ATP8A1: variants seen among roughly 807,000 people sequenced by gnomAD.
ATP8A1 encodes the protein phospholipid-transporting ATPase IA.
ATP8A1 carries 90 observed loss-of-function variants against 177.7 expected under a neutral mutation model. That is an observed-to-expected ratio of 0.51 (90% CI 0.43 to 0.60). ATP8A1 has a LOEUF of 0.60. Among genes scored for constraint, ATP8A1 ranks in the 20% least tolerant of loss-of-function variants. The pLI, the probability that ATP8A1 is intolerant of heterozygous loss-of-function variation, is 0.00. For synonymous variants in ATP8A1, 493 were observed against 485.9 expected, an observed-to-expected ratio of 1.01 and a Z score of -0.19; for missense variants, 1,072 against 1,392.8, an observed-to-expected ratio of 0.77 and a Z score of 3.67.
chr4:42,460,088 G>T (rs1718940309), intron 27 of ATP8A1, among the ~76,000 whole-genome samples: 1 of 152,146 alleles, frequency 6.6e-6, no homozygotes, highest in African/African-American at 2.4e-5. Flanking sequence ...ACTGCGCCTG[G>T]CCTGTATTAG....
intron 20 of ATP8A1, among the ~76,000 whole-genome samples, chr4:42,541,442 C>A (rs540269506): frequency 5.3e-5 from 8 of 152,130 alleles, no homozygotes; most frequent in Non-Finnish European, 7.3e-5. Flanking sequence ...AATGGCATAG[C>A]CACTTGGAAG....
rs375773388 is a variant in ATP8A1 at position 42,572,149 on chromosome 4, ACT to A, written c.1295+2468_1295+2469del. On this transcript the variant is annotated intron_variant, in intron 14 of 36. Coordinates refer to ENST00000381668, the MANE Select transcript of ATP8A1 (RefSeq NM_006095.2). ...TTGTCAGGATATGAAATTTTGTGTT[ACT>A]CTCTGGTTTTGCCACCTCCCTAGGG... Among the ~76,000 whole-genome samples the A allele has an allele frequency of 3.7e-3, 563 of 152,138 alleles. 2 individuals carry two copies. Among genetic ancestry groups the A allele is most frequent in the South Asian group, 0.018 (89 of 4,818 alleles).
intron 20 of ATP8A1, among the ~76,000 whole-genome samples, chr4:42,533,435 C>T (rs1560429850): frequency 6.6e-6 from 1 of 152,082 alleles, no homozygotes; most frequent in Non-Finnish European, 1.5e-5. Flanking sequence ...CCATAATCCC[C>T]CTGGGAACAT....
chr4:42,540,450 C>A (rs530249235), intron 20 of ATP8A1, among the ~76,000 whole-genome samples: 5 of 151,470 alleles, frequency 3.3e-5, no homozygotes, highest in African/African-American at 1.2e-4. Flanking sequence ...AAAAAAAAAT[C>A]AATATATCAA....
rs985743063 is a variant in ATP8A1, at chr4:42,409,519, T to C, written c.*3397A>G. On this transcript the variant is annotated 3_prime_UTR_variant, in exon 37 of 37. Transcript: ENST00000381668. ...CATTTACAAAAGAATTCCTGGTCCATGTGATGTGAATGGGCTGGGCACTTT... is the reference window on the plus strand; with the variant it reads ...CATTTACAAAAGAATTCCTGGTCCACGTGATGTGAATGGGCTGGGCACTTT... 2 of 152,108 alleles carry C rather than the reference T, an allele frequency of 1.3e-5. No individual in the cohort carries two copies. Among genetic ancestry groups the C allele is most frequent in the Admixed American group, 6.5e-5 (1 of 15,272 alleles). 9.4% of individuals were successfully genotyped at this position (152,108 alleles called of 1,614,324 possible).
At chr4:42,459,844 C>T (rs369958024) in intron 27 of ATP8A1, among the ~76,000 whole-genome samples, 36 of 152,160 alleles carry the variant, frequency 2.4e-4, no homozygotes, top group African/African-American at 6.7e-4. Context: ...GGCTGGAGTG[C>T]AATGGCGCGT....
chr4:42,475,885 A>G (rs1220234072), intron 25 of ATP8A1, among the ~76,000 whole-genome samples: 1 of 152,042 alleles, frequency 6.6e-6, no homozygotes, highest in African/African-American at 2.4e-5. Flanking sequence ...CTGAAAATAC[A>G]AAAGTTAGCT....
chr4:42,613,926 G>C (rs922355668), intron 5 of ATP8A1, among the ~76,000 whole-genome samples: 3 of 151,572 alleles, frequency 2.0e-5, no homozygotes, highest in Non-Finnish European at 2.9e-5. Context: ...TCAATTGGTT[G>C]AATCTTAGGA....
intron 30 of ATP8A1, among the ~76,000 whole-genome samples, chr4:42,447,413 C>A (rs1378746382): frequency 6.6e-6 from 1 of 152,022 alleles, no homozygotes; most frequent in Non-Finnish European, 1.5e-5. Flanking sequence ...GAACTCCTGG[C>A]CTCAAGTGAT....
intron 17 of ATP8A1, among the ~76,000 whole-genome samples, chr4:42,551,938 G>A (rs929466459): frequency 1.3e-5 from 2 of 152,046 alleles, no homozygotes; most frequent in Admixed American, 6.5e-5. Flanking sequence ...CTGACTATCT[G>A]CCCAACTTTA....
chr4:42,634,096 G>A (rs1369382899), intron 1 of ATP8A1, among the ~76,000 whole-genome samples: 1 of 152,120 alleles, frequency 6.6e-6, no homozygotes, highest in East Asian at 1.9e-4. Context: ...AGACCATTTC[G>A]AGGACACTGT....
chr4:42,643,573 C>G (rs566893276), intron 1 of ATP8A1, among the ~76,000 whole-genome samples: 1 of 152,146 alleles, frequency 6.6e-6, no homozygotes, highest in African/African-American at 2.4e-5. Flanking sequence ...CTTGACCACT[C>G]CCCATCATGT....
chr4:42,517,423 T>A (rs1305141154), intron 22 of ATP8A1, among the ~76,000 whole-genome samples: 1 of 151,940 alleles, frequency 6.6e-6, no homozygotes. Flanking sequence ...ATAAAACAGG[T>A]CAAGTTTGTT....
intron 6 of ATP8A1, among the ~76,000 whole-genome samples, chr4:42,595,324 C>A (rs1734617443): frequency 6.6e-6 from 1 of 152,174 alleles, no homozygotes; most frequent in Non-Finnish European, 1.5e-5. Context: ...TAAGAAATTA[C>A]TGCAGAGGCA....
chr4:42,631,602 A>G lies in ATP8A1; in HGVS notation c.50-4493T>C, dbSNP rs187697282. 8.3e-4 allele frequency among the ~76,000 whole-genome samples: 126 copies of G among 152,332 alleles called. 1 individual carries two copies. The highest frequency in any genetic ancestry group is 6.3e-4 in the Non-Finnish European group (43 of 68,026). ...AGTTTGTTGCAATATCTTGACAATGAGGCCATGATACTTCAAGTCTGTTGG... is the reference window on the plus strand; with the variant it reads ...AGTTTGTTGCAATATCTTGACAATGGGGCCATGATACTTCAAGTCTGTTGG... On this transcript the variant is annotated intron_variant, in intron 1 of 36. Coordinates refer to ENST00000381668, the MANE Select transcript of ATP8A1 (RefSeq NM_006095.2).
intron 33 of ATP8A1, among the ~76,000 whole-genome samples, chr4:42,429,343 A>G (rs1439692922): frequency 2.0e-5 from 3 of 152,060 alleles, no homozygotes; most frequent in Non-Finnish European, 4.4e-5. Context: ...AAGTATTTCA[A>G]TGAATCCAAG....
chr4:42,555,319 AGATAACTTATTTCTATAAGTTATTTC>A (rs566094643), intron 16 of ATP8A1, among the ~76,000 whole-genome samples: 11 of 151,924 alleles, frequency 7.2e-5, no homozygotes, highest in South Asian at 6.2e-4. Context: ...GGTACTGAGC[AGATAACTTATTTCTATAAGTTATTTC>A]GATAACTTAT....
chr4:42,625,776 G>C, intron 2 of ATP8A1, 63 bp from the exon 3 acceptor site: 1 of 978,446 alleles, frequency 1.0e-6, no homozygotes, highest in Non-Finnish European at 1.5e-6. Flanking sequence ...CACTTACAAA[G>C]TTCTGTTACT....
At chr4:42,532,825 T>C (rs1455347326) in intron 20 of ATP8A1, among the ~76,000 whole-genome samples, 9 of 152,208 alleles carry the variant, frequency 5.9e-5, no homozygotes, top group African/African-American at 1.7e-4. Context: ...ACGGATGACA[T>C]TCCACTATTG....
Sources: gnomAD v4.1 joint callset for allele counts (sites outside exome capture counted in the v4.1 genomes callset) on GRCh38, gnomAD v4.1.1 for gene constraint, MANE v1.5 for transcripts, NCBI Gene and HGNC (gene_info 2026-07-23, HGNC 2026-07-21) for gene names.